SEC24B: variants seen among roughly 807,000 people sequenced by gnomAD.
SEC24B encodes SEC24 homolog B, COPII component.
Under a neutral mutation model 142.8 loss-of-function variants are expected in SEC24B, and 45 were observed. The ratio of observed to expected loss-of-function variants is 0.32; its 90% CI spans 0.25 to 0.40. SEC24B has a LOEUF of 0.40. Ranked by LOEUF, SEC24B falls within the 10% of genes least tolerant of loss-of-function variation. SEC24B has a pLI of 1.00. For missense variants in SEC24B, 1,409 were observed against 1,526.8 expected (o/e 0.92, Z 1.29); for synonymous variants, 574 against 568.2 (o/e 1.01, Z -0.15).
intron 3 of SEC24B, among the ~76,000 whole-genome samples, chr4:109,474,185 A>C (rs976015498): frequency 6.6e-6 from 1 of 152,216 alleles, no homozygotes; most frequent in Non-Finnish European, 1.5e-5. Flanking sequence ...TTCTCAACAA[A>C]CCAGTGGGTA....
intron 1 of SEC24B, among the ~76,000 whole-genome samples, chr4:109,434,992 G>T (rs1728268231): frequency 6.6e-6 from 1 of 152,186 alleles, no homozygotes; most frequent in Non-Finnish European, 1.5e-5. Context: ...TGAGAACCTT[G>T]GAAAGTAATT....
intron 3 of SEC24B, among the ~76,000 whole-genome samples, chr4:109,481,108 G>T (rs888019672): frequency 6.6e-6 from 1 of 151,602 alleles, no homozygotes; most frequent in Non-Finnish European, 1.5e-5. Context: ...AAGTCCCCCA[G>T]CCCCCCGTCC....
intron 1 of SEC24B, among the ~76,000 whole-genome samples, chr4:109,436,505 G>C (rs1359617953): frequency 6.6e-6 from 1 of 152,224 alleles, no homozygotes; most frequent in Non-Finnish European, 1.5e-5. Flanking sequence ...GTTGTGGTGT[G>C]ATATGAAATA....
chr4:109,494,293 T>G (rs771623965), intron 5 of SEC24B, among the ~76,000 whole-genome samples: 14 of 151,744 alleles, frequency 9.2e-5, no homozygotes, highest in South Asian at 8.3e-4. Context: ...ATCTCTATTT[T>G]AAAAAAAAGA....
intron 18 of SEC24B, among the ~76,000 whole-genome samples, chr4:109,528,430 C>CAA (rs35976480): frequency 1.3e-5 from 1 of 78,230 alleles, no homozygotes; most frequent in African/African-American, 4.3e-5. Flanking sequence ...GACTGCATCT[C>CAA]AAAAAAAAAA....
At chr4:109,445,811 A>G (rs1020109449) in intron 1 of SEC24B, among the ~76,000 whole-genome samples, 1 of 150,994 alleles carries the variant, frequency 6.6e-6, no homozygotes, top group Non-Finnish European at 1.5e-5. Flanking sequence ...GACTCAAGCA[A>G]TCCCCCTGCC....
intron 1 of SEC24B, among the ~76,000 whole-genome samples, chr4:109,441,886 A>C (rs530929346): frequency 2.0e-5 from 3 of 152,214 alleles, no homozygotes; most frequent in Non-Finnish European, 4.4e-5. Flanking sequence ...AGTTACCTTC[A>C]TCCTCAGGTA....
intron 3 of SEC24B, among the ~76,000 whole-genome samples, chr4:109,478,098 A>G (rs568034236): frequency 2.6e-5 from 4 of 152,246 alleles, no homozygotes; most frequent in East Asian, 1.9e-4. Flanking sequence ...TCTGGCCAAC[A>G]TGGTGAAACC....
chr4:109,507,433 G>C (rs777830205), intron 7 of SEC24B, among the ~76,000 whole-genome samples: 1 of 151,030 alleles, frequency 6.6e-6, no homozygotes, highest in Non-Finnish European at 1.5e-5. Flanking sequence ...ACCATGATGC[G>C]TGTCTAATTT....
At position 109,531,526 on chromosome 4, in the gene SEC24B, T is replaced by C; in HGVS notation, c.3390+4T>C. ...GATAGACAGATTGACAGATGAGGTATGTATTTTAGTGCATTTGAAATGTTT... is the reference window on the plus strand; with the variant it reads ...GATAGACAGATTGACAGATGAGGTACGTATTTTAGTGCATTTGAAATGTTT... On this transcript the variant is annotated splice_donor_region_variant and intron_variant, in intron 20 of 23. Coordinates refer to ENST00000265175, the MANE Select transcript of SEC24B (RefSeq NM_006323.5). 1 of 1,591,834 alleles carries C rather than the reference T, an allele frequency of 6.3e-7. No homozygotes were observed. Among genetic ancestry groups the C allele is most frequent in the Non-Finnish European group, 8.6e-7 (1 of 1,161,262 alleles).
At chr4:109,539,137 T>C (rs1401435630) in intron 23 of SEC24B, among the ~76,000 whole-genome samples, 1 of 151,938 alleles carries the variant, frequency 6.6e-6, no homozygotes, top group Non-Finnish European at 1.5e-5. Context: ...AATTTTTGTA[T>C]TTTTAGTAGA....
chr4:109,455,654 A>G (rs1042431231), intron 1 of SEC24B, among the ~76,000 whole-genome samples: 2 of 152,224 alleles, frequency 1.3e-5, no homozygotes, highest in African/African-American at 2.4e-5. Flanking sequence ...TGAAAGAACT[A>G]TCTTTCCTCA....
At chr4:109,483,311 C>A (rs1734009284) in intron 4 of SEC24B, among the ~76,000 whole-genome samples, 3 of 150,934 alleles carry the variant, frequency 2.0e-5, no homozygotes, top group South Asian at 4.2e-4. Context: ...GATCTCCTGA[C>A]CTCATGATCC....
chr4:109,446,964 A>T (rs915560893), intron 1 of SEC24B, among the ~76,000 whole-genome samples: 3 of 152,226 alleles, frequency 2.0e-5, no homozygotes, highest in Admixed American at 2.0e-4. Flanking sequence ...CAGAATTTAC[A>T]ATTAGACAAT....
chr4:109,496,211 C>T (rs1735528286), intron 6 of SEC24B, among the ~76,000 whole-genome samples: 1 of 151,828 alleles, frequency 6.6e-6, no homozygotes, highest in African/African-American at 2.4e-5. Flanking sequence ...CTACTGGGTT[C>T]AAGCGATTCT....
intron 3 of SEC24B, among the ~76,000 whole-genome samples, chr4:109,480,538 A>G (rs764007688): frequency 2.0e-4 from 31 of 151,956 alleles, no homozygotes; most frequent in Middle Eastern, 3.4e-3. Context: ...CTGGAGTGCA[A>G]TGGCACAATC....
Position 109,521,616 on chromosome 4 carries a change from C to G in SEC24B, c.2498C>G (p.Ser833Ter). Reference protein sequence around the residue: ...LQSREDPNQRSSTKVVQHLGP... With the variant: ...LQSREDPNQR ...TCCAGAGAAGATCCTAATCAGAGAT[C>G]AAGTACAAAGGTATTTTATGTTTAG... The change falls in exon 14 of 24, where the codon TCA becomes TGA. Residue 833 changes from serine to a stop codon, truncating the protein, a stop_gained. Transcript: ENST00000265175. LOFTEE classifies it high-confidence loss of function. The G allele has an allele frequency of 6.2e-7, 1 of 1,609,726 alleles. No individual in the cohort carries two copies. The highest frequency in any genetic ancestry group is 8.5e-7 in the Non-Finnish European group (1 of 1,176,702).
intron 2 of SEC24B, among the ~76,000 whole-genome samples, chr4:109,464,502 G>A (rs2125936359): frequency 6.6e-6 from 1 of 152,246 alleles, no homozygotes; most frequent in South Asian, 2.1e-4. Context: ...TCGAACACGC[G>A]AGCTACTGTG....
intron 6 of SEC24B, among the ~76,000 whole-genome samples, chr4:109,503,611 C>T (rs570487276): frequency 7.9e-5 from 12 of 152,292 alleles, no homozygotes; most frequent in Non-Finnish European, 1.3e-4. Flanking sequence ...GCGCCCACTT[C>T]GGCCTCCCAA....
Sources: gnomAD v4.1 joint callset for allele counts (sites outside exome capture counted in the v4.1 genomes callset) on GRCh38, gnomAD v4.1.1 for gene constraint, MANE v1.5 for transcripts, NCBI Gene and HGNC (gene_info 2026-07-23, HGNC 2026-07-21) for gene names.